The following LRRC4C variants were observed in gnomAD, a reference collection of about 807,000 sequenced individuals.
LRRC4C encodes the protein leucine-rich repeat-containing protein 4C.
Under a neutral mutation model 33.6 loss-of-function variants are expected in LRRC4C, and 5 were observed. The observed-to-expected ratio is 0.15, with a 90% CI of 0.08 to 0.31. The LOEUF (loss-of-function observed/expected upper bound fraction) is 0.31. Among genes scored for constraint, LRRC4C ranks in the 10% least tolerant of loss-of-function variants. The pLI is 1.00. For synonymous variants in LRRC4C, 329 were observed against 302.0 expected, an observed-to-expected ratio of 1.09 and a Z score of -0.93; for missense variants, 560 against 796.7, an observed-to-expected ratio of 0.70 and a Z score of 3.58.
intron 1 of LRRC4C, among the ~76,000 whole-genome samples, chr11:41,272,425 C>T (rs753932909): frequency 2.4e-4 from 36 of 152,074 alleles, no homozygotes; most frequent in Non-Finnish European, 4.9e-4. Context: ...TCTGGAAACA[C>T]GCCTCTGATC....
chr11:40,789,330 AT>A (rs958487092), intron 2 of LRRC4C, among the ~76,000 whole-genome samples: 7 of 152,220 alleles, frequency 4.6e-5, no homozygotes, highest in African/African-American at 1.7e-4. Flanking sequence ...GTTTCTCTTC[AT>A]TGATAACTAG....
chr11:40,262,998 A>AT (rs908595876), intron 4 of LRRC4C, among the ~76,000 whole-genome samples: 23 of 151,838 alleles, frequency 1.5e-4, no homozygotes, highest in Admixed American at 5.9e-4. Context: ...AAAAAAAAGA[A>AT]TTTTTTTTGG....
intron 1 of LRRC4C, among the ~76,000 whole-genome samples, chr11:40,965,774 T>C (rs1301440064): frequency 6.6e-6 from 1 of 152,156 alleles, no homozygotes; most frequent in Non-Finnish European, 1.5e-5. Flanking sequence ...TACTGTAGCC[T>C]TGGAGTATAG....
chr11:41,255,065 A>T (rs1430166895), intron 1 of LRRC4C, among the ~76,000 whole-genome samples: 1 of 152,000 alleles, frequency 6.6e-6, no homozygotes, highest in Non-Finnish European at 1.5e-5. Context: ...AAATTAACCT[A>T]TGAAAAACTA....
chr11:41,410,472 C>T (rs1002464555), intron 1 of LRRC4C, among the ~76,000 whole-genome samples: 1 of 147,174 alleles, frequency 6.8e-6, no homozygotes, highest in Non-Finnish European at 1.5e-5. Flanking sequence ...AGTGCAGTGG[C>T]GCTATCTCCG....
intron 1 of LRRC4C, among the ~76,000 whole-genome samples, chr11:41,315,799 T>C (rs1411481662): frequency 2.6e-5 from 4 of 152,180 alleles, no homozygotes; most frequent in Non-Finnish European, 5.9e-5. Context: ...TAGATAGTCA[T>C]TGTGAGATTT....
intron 1 of LRRC4C, among the ~76,000 whole-genome samples, chr11:41,428,707 G>T (rs1476338649): frequency 6.6e-6 from 1 of 152,070 alleles, no homozygotes; most frequent in Non-Finnish European, 1.5e-5. Context: ...CATACTAGAG[G>T]CAGTGCTTTT....
chr11:40,165,426 G>A (rs144566398), intron 5 of LRRC4C, among the ~76,000 whole-genome samples: 322 of 152,204 alleles, frequency 2.1e-3, no homozygotes, highest in Non-Finnish European at 3.5e-3. Flanking sequence ...TGTACAAAAG[G>A]CTTGAAGGAG....
At chr11:41,147,953 G>GAT (rs1943804032) in intron 1 of LRRC4C, among the ~76,000 whole-genome samples, 1 of 152,132 alleles carries the variant, frequency 6.6e-6, no homozygotes, top group Non-Finnish European at 1.5e-5. Context: ...TTAGCTGGGC[G>GAT]TGGTGGCACA....
chr11:40,135,696 C>T (rs1364523295), intron 6 of LRRC4C, among the ~76,000 whole-genome samples: 1 of 152,060 alleles, frequency 6.6e-6, no homozygotes, highest in Non-Finnish European at 1.5e-5. Context: ...TGAAAGGATG[C>T]ATTTTTAAAA....
intron 1 of LRRC4C, among the ~76,000 whole-genome samples, chr11:41,099,615 A>G (rs1187308264): frequency 6.6e-6 from 1 of 152,174 alleles, no homozygotes; most frequent in Admixed American, 6.6e-5. Context: ...CAATAGAGGC[A>G]AAAAGGCTTT....
chr11:41,249,074 G>A (rs368689494), intron 1 of LRRC4C, among the ~76,000 whole-genome samples: 67 of 147,978 alleles, frequency 4.5e-4, no homozygotes, highest in African/African-American at 5.0e-4. Context: ...TCACTCTGTC[G>A]CCCAGACTAG....
At chr11:40,310,592 G>A (rs1347853258) in intron 4 of LRRC4C, among the ~76,000 whole-genome samples, 1 of 152,126 alleles carries the variant, frequency 6.6e-6, no homozygotes, top group East Asian at 1.9e-4. Context: ...AGAAGCACTA[G>A]CTTAGCTTAC....
At chr11:40,599,212 G>T (rs1353594963) in intron 3 of LRRC4C, among the ~76,000 whole-genome samples, 1 of 152,062 alleles carries the variant, frequency 6.6e-6, no homozygotes, top group East Asian at 1.9e-4. Context: ...ATTTTGGGAG[G>T]CTGAGGCAGG....
intron 3 of LRRC4C, among the ~76,000 whole-genome samples, chr11:40,489,885 T>C (rs1954059665): frequency 6.6e-6 from 1 of 152,152 alleles, no homozygotes; most frequent in Non-Finnish European, 1.5e-5. Flanking sequence ...CATTTATTCA[T>C]TTAACATACA....
At chr11:40,189,464 C>T (rs1046724065) in intron 5 of LRRC4C, among the ~76,000 whole-genome samples, 7 of 152,066 alleles carry the variant, frequency 4.6e-5, no homozygotes, top group Non-Finnish European at 8.8e-5. Context: ...ACAGCTATTC[C>T]GTGGGCCTCA....
chr11:41,240,245 C>T (rs1948196257), intron 1 of LRRC4C, among the ~76,000 whole-genome samples: 1 of 152,146 alleles, frequency 6.6e-6, no homozygotes, highest in Non-Finnish European at 1.5e-5. Context: ...TGAAGGATGT[C>T]TTAGGTAACT....
chr11:40,280,559 G>A (rs930506393), intron 4 of LRRC4C, among the ~76,000 whole-genome samples: 11 of 152,104 alleles, frequency 7.2e-5, no homozygotes, highest in Admixed American at 1.3e-4. Flanking sequence ...AGGAGAGGCA[G>A]CAGCATAGCT....
intron 2 of LRRC4C, among the ~76,000 whole-genome samples, chr11:40,681,359 T>A (rs1944675523): frequency 6.6e-6 from 1 of 152,200 alleles, no homozygotes; most frequent in African/African-American, 2.4e-5. Flanking sequence ...TCTGCCCCAA[T>A]ACACAATACA....
Sources: gnomAD v4.1 joint callset for allele counts (sites outside exome capture counted in the v4.1 genomes callset) on GRCh38, gnomAD v4.1.1 for gene constraint, MANE v1.5 for transcripts, NCBI Gene and HGNC (gene_info 2026-07-23, HGNC 2026-07-21) for gene names.